VCL: variants seen among roughly 807,000 people sequenced by gnomAD.
The protein encoded by VCL is epididymis luminal protein 114.
In VCL, 47 loss-of-function variants were observed where a neutral mutation model predicts 125.7. The observed-to-expected ratio is 0.37, with a 90% CI of 0.30 to 0.48. The LOEUF (loss-of-function observed/expected upper bound fraction) is 0.48, where lower values mean the gene tolerates loss of function less well. VCL is among the 20% of genes least tolerant of loss of function. The pLI is 0.99. For missense variants in VCL, 1,069 were observed against 1,455.5 expected, an observed-to-expected ratio of 0.73 and a Z score of 4.32; for synonymous variants, 458 against 514.6, an observed-to-expected ratio of 0.89 and a Z score of 1.49.
intron 1 of VCL, among the ~76,000 whole-genome samples, chr10:74,021,504 G>T (rs1043095592): frequency 6.6e-6 from 1 of 151,994 alleles, no homozygotes; most frequent in African/African-American, 2.4e-5. Flanking sequence ...GAATACTCTT[G>T]CCTAATTTGG....
intron 1 of VCL, among the ~76,000 whole-genome samples, chr10:74,023,259 T>TA (rs1289719635): frequency 6.6e-6 from 1 of 152,212 alleles, no homozygotes; most frequent in Non-Finnish European, 1.5e-5. Context: ...CACCAATACT[T>TA]ACAATCGTGT....
intron 1 of VCL, among the ~76,000 whole-genome samples, chr10:74,026,050 C>T (rs1840766277): frequency 6.6e-6 from 1 of 152,200 alleles, no homozygotes; most frequent in Admixed American, 6.5e-5. Flanking sequence ...ATTTACATAG[C>T]ATGCAAAGAA....
chr10:74,083,300 G>T, intron 7 of VCL, 66 bp from the exon 8 acceptor site: 1 of 1,599,782 alleles, frequency 6.3e-7, no homozygotes, highest in East Asian at 2.2e-5. Flanking sequence ...GAAATGACTT[G>T]TAAAGTATCC....
chr10:74,015,295 G>A (rs1189666575), intron 1 of VCL, among the ~76,000 whole-genome samples: 1 of 152,232 alleles, frequency 6.6e-6, no homozygotes, highest in Non-Finnish European at 1.5e-5. Flanking sequence ...GCTCACGCCT[G>A]TAATCCCAGC....
chr10:74,051,163 T>C (rs1248608059), intron 2 of VCL, among the ~76,000 whole-genome samples: 4 of 152,002 alleles, frequency 2.6e-5, no homozygotes, highest in African/African-American at 9.7e-5. Context: ...GGTCTCGAAC[T>C]CCTGGCCTCA....
intron 1 of VCL, among the ~76,000 whole-genome samples, chr10:74,029,800 A>G (rs1156690659): frequency 3.3e-5 from 5 of 152,296 alleles, no homozygotes; most frequent in Admixed American, 2.6e-4. Context: ...TTGTTGATGC[A>G]TTTTAGAATT....
chr10:74,048,303 T>C (rs974277613), intron 2 of VCL, among the ~76,000 whole-genome samples: 1 of 151,878 alleles, frequency 6.6e-6, no homozygotes, highest in Admixed American at 6.6e-5. Context: ...ACCCCATCTC[T>C]ACTAAAAATT....
At chr10:74,026,204 T>G (rs1478172625) in intron 1 of VCL, among the ~76,000 whole-genome samples, 1 of 152,228 alleles carries the variant, frequency 6.6e-6, no homozygotes, top group African/African-American at 2.4e-5. Flanking sequence ...CTTTTCCTAT[T>G]GGCATAGCTG....
chr10:74,034,562 T>G (rs532469415), intron 1 of VCL, among the ~76,000 whole-genome samples: 24 of 152,386 alleles, frequency 1.6e-4, no homozygotes, highest in Admixed American at 1.2e-3. Context: ...CTTATTTGTT[T>G]AAGCATTTGT....
In VCL at chr10:74,089,324, T is replaced by C. The variant is rs1564528011; in HGVS notation, c.1151T>C (p.Ile384Thr). ...GCCATGACCAACTCAAAGCAGAGCA[T>C]TGCAAAGAAGATCGATGCTGCTCAG... ...LEAMTNSKQSIAKKIDAAQNW... is the reference protein window; with the variant it reads ...LEAMTNSKQSTAKKIDAAQNW... The change falls in exon 9 of 22, where the codon ATT becomes ACT. Residue 384 changes from isoleucine to threonine, a missense_variant. By Grantham distance (89) the Ile-to-Thr change is moderately conservative. Transcript: ENST00000211998. 5 of 1,613,992 alleles carry C rather than the reference T, an allele frequency of 3.1e-6. No homozygotes were observed. Among genetic ancestry groups the C allele is most frequent in the East Asian group, 4.5e-5 (2 of 44,894 alleles).
At chr10:74,113,465 T>C (rs1299112409) in intron 19 of VCL, among the ~76,000 whole-genome samples, 1 of 152,192 alleles carries the variant, frequency 6.6e-6, no homozygotes, top group Non-Finnish European at 1.5e-5. Context: ...GACTGAAGAA[T>C]TGATTCTTTA....
intron 2 of VCL, among the ~76,000 whole-genome samples, chr10:74,060,918 A>G (rs1253697171): frequency 6.6e-6 from 1 of 152,110 alleles, no homozygotes; most frequent in African/African-American, 2.4e-5. Context: ...ATGAGTGAGC[A>G]TATTTCGAGA....
intron 1 of VCL, among the ~76,000 whole-genome samples, chr10:74,012,375 T>C (rs1840451856): frequency 6.6e-6 from 1 of 152,166 alleles, no homozygotes; most frequent in Non-Finnish European, 1.5e-5. Flanking sequence ...GCTATGCACA[T>C]TGCTAGGTGT....
chr10:74,076,465 C>T (rs1452992547), intron 6 of VCL: 1 of 152,586 alleles, frequency 6.6e-6, no homozygotes, highest in Non-Finnish European at 1.5e-5. Flanking sequence ...AGCTGGGAGA[C>T]CCCTGAGTTA....
intron 5 of VCL, among the ~76,000 whole-genome samples, chr10:74,073,441 C>T (rs1207945322): frequency 1.3e-5 from 2 of 152,194 alleles, no homozygotes; most frequent in Non-Finnish European, 2.9e-5. Context: ...TAACAAGCCC[C>T]TTTGCTGGGA....
chr10:74,083,507 G>C lies in VCL; in HGVS notation c.1016G>C (p.Arg339Pro), dbSNP rs1181109595. ...ATGACTGATCAAGTGGCTGACCTCC[G>C]TGCCAGGTAAAAGTTCCTCTGTCCT... ...GQMTDQVADL[R>P]ARGQGSSPVA... The change falls in exon 8 of 22, where the codon CGT becomes CCT. Residue 339 changes from arginine to proline, a missense_variant. Arg to Pro is a moderately radical substitution (Grantham distance 103). This residue lies in a region of VCL where 760 missense variants were observed against 928.9 expected (regional missense o/e 0.82). Transcript: ENST00000211998. 6.2e-7 allele frequency: 1 copy of C among 1,613,696 alleles called. No homozygotes were observed. The highest frequency in any genetic ancestry group is 8.5e-7 in the Non-Finnish European group (1 of 1,179,854).
intron 1 of VCL, among the ~76,000 whole-genome samples, chr10:74,038,394 A>T (rs1032020384): frequency 6.6e-6 from 1 of 152,186 alleles, no homozygotes; most frequent in Non-Finnish European, 1.5e-5. Context: ...TCATAAAAGA[A>T]AATTATTTGG....
At chr10:74,117,293 C>T (rs1290175196) in intron 21 of VCL, among the ~76,000 whole-genome samples, 1 of 152,114 alleles carries the variant, frequency 6.6e-6, no homozygotes, top group Non-Finnish European at 1.5e-5. Flanking sequence ...AAAAAACCCT[C>T]AAAACTCCCA....
intron 14 of VCL, among the ~76,000 whole-genome samples, chr10:74,103,420 T>G (rs1368572804): frequency 6.6e-6 from 1 of 152,194 alleles, no homozygotes; most frequent in Non-Finnish European, 1.5e-5. Flanking sequence ...CTCATGGGGT[T>G]GTTGTGAGGA....
Sources: gnomAD v4.1 joint callset for allele counts (sites outside exome capture counted in the v4.1 genomes callset) on GRCh38, gnomAD v4.1.1 for gene constraint, gnomAD v4.1.1 regional missense constraint, MANE v1.5 for transcripts, NCBI Gene and HGNC (gene_info 2026-07-23, HGNC 2026-07-21) for gene names.